The following TBC1D1 variants were observed in gnomAD, a reference collection of about 807,000 sequenced individuals.
TBC1D1 encodes the protein TBC1 (tre-2/USP6, BUB2, cdc16) domain family, member 1.
In TBC1D1, 89 loss-of-function variants were observed where a neutral mutation model predicts 125.6. That is an observed-to-expected ratio of 0.71 (90% CI 0.60 to 0.85). TBC1D1 has a LOEUF of 0.85. TBC1D1 is among the 40% of genes least tolerant of loss of function. The pLI, the probability that TBC1D1 is intolerant of heterozygous loss-of-function variation, is 0.00. For synonymous variants in TBC1D1, 565 were observed against 564.1 expected, an observed-to-expected ratio of 1.00 and a Z score of -0.02; for missense variants, 1,377 against 1,469.2, an observed-to-expected ratio of 0.94 and a Z score of 1.03.
chr4:37,949,384 A>C (rs1727370247), intron 2 of TBC1D1, among the ~76,000 whole-genome samples: 1 of 152,218 alleles, frequency 6.6e-6, no homozygotes, highest in Non-Finnish European at 1.5e-5. Context: ...TTTTTCCAGT[A>C]TAATTCTTAC....
At chr4:38,136,667 C>T (rs1000435893) in intron 19 of TBC1D1, among the ~76,000 whole-genome samples, 2 of 152,164 alleles carry the variant, frequency 1.3e-5, no homozygotes, top group African/African-American at 2.4e-5. Context: ...TCGATTTGTG[C>T]GTTTAAGTAT....
chr4:38,061,001 C>T (rs997016485), intron 12 of TBC1D1, among the ~76,000 whole-genome samples: 1 of 152,158 alleles, frequency 6.6e-6, no homozygotes, highest in African/African-American at 2.4e-5. Flanking sequence ...CCAGGAGTCT[C>T]TCAAGTCTCA....
chr4:37,992,338 T>G (rs1736756447), intron 2 of TBC1D1, among the ~76,000 whole-genome samples: 1 of 149,404 alleles, frequency 6.7e-6, no homozygotes, highest in Non-Finnish European at 1.5e-5. Flanking sequence ...AAAGAAGGAG[T>G]AAGGAGAAAG....
intron 12 of TBC1D1, among the ~76,000 whole-genome samples, chr4:38,055,512 T>G (rs1360255526): frequency 6.6e-6 from 1 of 152,212 alleles, no homozygotes. Context: ...GTTTCCAGGG[T>G]AATGTCACCT....
intron 2 of TBC1D1, among the ~76,000 whole-genome samples, chr4:37,910,652 G>A (rs1288049142): frequency 1.3e-5 from 2 of 152,138 alleles, no homozygotes; most frequent in Non-Finnish European, 2.9e-5. Context: ...AGACTGGGAA[G>A]GGTAGTCGGG....
intron 2 of TBC1D1, among the ~76,000 whole-genome samples, chr4:37,934,220 G>T (rs939420817): frequency 5.9e-5 from 9 of 152,180 alleles, no homozygotes; most frequent in African/African-American, 2.2e-4. Flanking sequence ...AGGTCAACTG[G>T]CTGACAGCTG....
At chr4:37,962,821 A>G (rs1730309276) in intron 2 of TBC1D1, among the ~76,000 whole-genome samples, 2 of 152,248 alleles carry the variant, frequency 1.3e-5, no homozygotes, top group South Asian at 4.1e-4. Context: ...AAGGGAATTG[A>G]ATAAAAACTT....
At chr4:38,013,006 G>C (rs561803808) in intron 2 of TBC1D1, among the ~76,000 whole-genome samples, 1 of 151,908 alleles carries the variant, frequency 6.6e-6, no homozygotes, top group African/African-American at 2.4e-5. Context: ...TGTTGGCCAG[G>C]CTGGTCTCAA....
chr4:38,066,404 C>T (rs1753738360), intron 12 of TBC1D1, among the ~76,000 whole-genome samples: 1 of 152,024 alleles, frequency 6.6e-6, no homozygotes, highest in African/African-American at 2.4e-5. Flanking sequence ...ACAATCATAG[C>T]TCACTGCAGC....
At chr4:38,033,153 G>GA (rs1450950208) in intron 7 of TBC1D1, among the ~76,000 whole-genome samples, 2 of 152,198 alleles carry the variant, frequency 1.3e-5, no homozygotes, top group Middle Eastern at 3.4e-3. Context: ...ATTTTGAGGG[G>GA]AAAAATATAT....
chr4:37,969,223 T>C (rs981087406), intron 2 of TBC1D1, among the ~76,000 whole-genome samples: 1 of 152,222 alleles, frequency 6.6e-6, no homozygotes, highest in Non-Finnish European at 1.5e-5. Context: ...TTAAGACATA[T>C]CATTCACACT....
rs546294418 is a variant in TBC1D1, at chr4:38,065,281, A to G, written c.2050+10943A>G. 9.9e-5 allele frequency among the ~76,000 whole-genome samples: 15 copies of G among 152,170 alleles called. No individual in the cohort carries two copies. In the South Asian group the frequency reaches 2.9e-3, roughly 30 times the overall value. On this transcript the variant is annotated intron_variant, in intron 12 of 19. Coordinates refer to ENST00000261439, the MANE Select transcript of TBC1D1 (RefSeq NM_015173.4). ...GCTACATTTCTGTCAGCTGTTTGCA[A>G]ACTGTGCCCCAGAATCCCCTGGAGG...
intron 16 of TBC1D1, among the ~76,000 whole-genome samples, 157 bp from the exon 19 acceptor site, chr4:38,117,876 T>A (rs1763229429): frequency 6.6e-6 from 1 of 152,214 alleles, no homozygotes; most frequent in Non-Finnish European, 1.5e-5. Flanking sequence ...AAGCACTTGT[T>A]GGATGAATTA....
In TBC1D1 at chr4:38,125,007, T is replaced by C. The variant is rs1224401440; in HGVS notation, c.3008T>C (p.Leu1003Ser). 18 of 1,614,024 alleles carry C rather than the reference T, an allele frequency of 1.1e-5. No homozygotes were observed. Among genetic ancestry groups the C allele is most frequent in the Non-Finnish European group, 1.5e-5 (18 of 1,180,008 alleles). Residue 1003 changes from leucine (L) to serine (S), a missense_variant, in exon 18 of 20, where the codon TTA becomes TCA. Coordinates refer to ENST00000261439, the MANE Select transcript of TBC1D1 (RefSeq NM_015173.4). ...ACAGAGGTCATATTTAAAGTGGCTT[T>C]AAGTCTGTTGGGAAGCCATAAGCCC...
intron 11 of TBC1D1, among the ~76,000 whole-genome samples, chr4:38,051,493 C>A (rs995418617): frequency 6.6e-6 from 1 of 151,638 alleles, no homozygotes; most frequent in African/African-American, 2.4e-5. Context: ...TATTATTGTT[C>A]CTGGGCGAAG....
At chr4:38,031,712 C>T (rs574485531) in intron 7 of TBC1D1, among the ~76,000 whole-genome samples, 14 of 152,248 alleles carry the variant, frequency 9.2e-5, no homozygotes, top group Non-Finnish European at 1.8e-4. Flanking sequence ...ATTTCAGTTG[C>T]GAACTCATGG....
intron 1 of TBC1D1, 77 bp from the exon 2 acceptor site, chr4:37,901,926 T>A (rs1716110334): frequency 6.4e-6 from 4 of 623,906 alleles, no homozygotes; most frequent in Non-Finnish European, 1.1e-5. Context: ...TTTGAGTTCT[T>A]CTGAAATAAT....
At chr4:38,011,375 GA>G (rs900439469) in intron 2 of TBC1D1, among the ~76,000 whole-genome samples, 4 of 149,132 alleles carry the variant, frequency 2.7e-5, no homozygotes, top group African/African-American at 9.9e-5. Flanking sequence ...AAAAGAAAAA[GA>G]AAAAAAGAAA....
chr4:38,047,239 T>G (rs1222187648), intron 10 of TBC1D1, among the ~76,000 whole-genome samples: 1 of 152,194 alleles, frequency 6.6e-6, no homozygotes, highest in South Asian at 2.1e-4. Context: ...CTTCTCAAAT[T>G]TCAGGTGCTC....
Sources: allele counts gnomAD v4.1 joint callset (sites outside exome capture counted in the v4.1 genomes callset), GRCh38; gene constraint gnomAD v4.1.1; transcripts MANE v1.5; gene names NCBI Gene and HGNC (gene_info 2026-07-23, HGNC 2026-07-21).